IQSEC1: variants seen among roughly 807,000 people sequenced by gnomAD.
IQSEC1 encodes the protein IQ motif and Sec7 domain ArfGEF 1.
Under a neutral mutation model 91.0 loss-of-function variants are expected in IQSEC1, and 31 were observed. The ratio of observed to expected loss-of-function variants is 0.34; its 90% CI spans 0.26 to 0.46. IQSEC1 has a LOEUF of 0.46. IQSEC1 is among the 20% of genes least tolerant of loss of function. IQSEC1 has a pLI of 1.00. For synonymous variants in IQSEC1, 699 were observed against 662.6 expected (o/e 1.05, Z -0.84); for missense variants, 1,388 against 1,575.6 (o/e 0.88, Z 2.02).
At chr3:13,220,757 G>A (rs1368343860) in intron 1 of IQSEC1, among the ~76,000 whole-genome samples, 2 of 152,206 alleles carry the variant, frequency 1.3e-5, no homozygotes, top group Admixed American at 1.3e-4. Flanking sequence ...TGTGAAGGGC[G>A]ATGCCGCCTG....
rs1694367013 is a variant in IQSEC1, at chr3:13,207,582, G to A, written c.273-43449C>T. 6.6e-6 allele frequency among the ~76,000 whole-genome samples: 1 copy of A among 152,160 alleles called. No homozygotes were observed. The highest frequency in any genetic ancestry group is 1.5e-5 in the Non-Finnish European group (1 of 68,028). ...TTCGCAGCCCAGTCAAGAGGATTTGGCATCATCTGGGTCTGTCTCCTGCCC... is the reference window on the plus strand; with the variant it reads ...TTCGCAGCCCAGTCAAGAGGATTTGACATCATCTGGGTCTGTCTCCTGCCC... On this transcript the variant is annotated intron_variant, in intron 1 of 15. Transcript: ENST00000648114. The surrounding 1 kb of genome is among the most constrained non-coding windows in gnomAD (Gnocchi z 4.8).
chr3:13,217,448 A>G (rs1430782892), intron 1 of IQSEC1, among the ~76,000 whole-genome samples: 1 of 152,208 alleles, frequency 6.6e-6, no homozygotes, highest in Non-Finnish European at 1.5e-5. Flanking sequence ...TTCAGGGCTG[A>G]GTAGTAGTCC....
chr3:12,901,594 T>C (rs3773310), intron 13 of IQSEC1, 72 bp from the exon 14 acceptor site: 169,570 of 1,307,482 alleles, frequency 0.13, 11,870 homozygotes, highest in South Asian at 0.22. Flanking sequence ...TTTTTTTTTT[T>C]CAAATGTAAA....
chr3:13,167,784 C>T (rs1693527145), intron 1 of IQSEC1, among the ~76,000 whole-genome samples: 2 of 152,232 alleles, frequency 1.3e-5, no homozygotes, highest in African/African-American at 4.8e-5. Context: ...GCCCCCTTCG[C>T]CATGTGTGCA....
intron 1 of IQSEC1, among the ~76,000 whole-genome samples, chr3:13,196,914 G>C (rs757217864): frequency 9.9e-5 from 15 of 152,184 alleles, no homozygotes; most frequent in Non-Finnish European, 1.9e-4. Context: ...AGAGTCTGTG[G>C]GATCCGGGTG....
At chr3:13,182,202 A>G (rs982919964) in intron 1 of IQSEC1, among the ~76,000 whole-genome samples, 1 of 152,196 alleles carries the variant, frequency 6.6e-6, no homozygotes, top group Non-Finnish European at 1.5e-5. Flanking sequence ...TTGTTTGCCC[A>G]GCATCCATTC....
chr3:12,909,228 A>G lies in IQSEC1; in HGVS notation c.2578+45T>C. ...CCTGACATGGGGAGGCAAGTGCCAG[A>G]GTCTGGCAAGTCTCGGCCTTCTGTC... On this transcript the variant is annotated intron_variant, in intron 11 of 13. Coordinates refer to ENST00000613206, the MANE Select transcript of IQSEC1 (RefSeq NM_001134382.3). The surrounding 1 kb of genome is among the most constrained non-coding windows in gnomAD (Gnocchi z 4.9). The G allele has an allele frequency of 1.3e-6, 2 of 1,598,958 alleles. No individual in the cohort carries two copies. Among genetic ancestry groups the G allele is most frequent in the Non-Finnish European group, 8.6e-7 (1 of 1,168,872 alleles).
At chr3:12,937,650 C>T (rs906613662) in intron 2 of IQSEC1, among the ~76,000 whole-genome samples, 5 of 152,200 alleles carry the variant, frequency 3.3e-5, no homozygotes, top group Non-Finnish European at 5.9e-5. Flanking sequence ...TGGGACCTGC[C>T]TCCTATGACT....
intron 1 of IQSEC1, among the ~76,000 whole-genome samples, chr3:13,026,270 T>C (rs1017487050): frequency 2.6e-5 from 4 of 152,178 alleles, no homozygotes; most frequent in African/African-American, 9.7e-5. Context: ...CCAGGGCTGG[T>C]TAGGGTTCCC....
chr3:13,260,730 G>A (rs1277174108), intron 1 of IQSEC1, among the ~76,000 whole-genome samples: 4 of 152,122 alleles, frequency 2.6e-5, no homozygotes, highest in South Asian at 2.1e-4. Flanking sequence ...GCTGACCTTG[G>A]TGCCGGCTCC....
intron 1 of IQSEC1, among the ~76,000 whole-genome samples, chr3:13,236,444 C>T (rs1694929763): frequency 6.6e-6 from 1 of 152,238 alleles, no homozygotes; most frequent in Non-Finnish European, 1.5e-5. Flanking sequence ...AGGTCCTCTG[C>T]CCTGCTTTCG....
chr3:13,185,483 G>A (rs542602227), intron 1 of IQSEC1, among the ~76,000 whole-genome samples: 12 of 152,320 alleles, frequency 7.9e-5, no homozygotes, highest in African/African-American at 2.9e-4. Context: ...GCCTGGGACT[G>A]CGCCTGCTAT....
intron 1 of IQSEC1, among the ~76,000 whole-genome samples, chr3:13,180,375 C>T (rs190485282): frequency 0.032 from 4,809 of 151,966 alleles, 244 homozygotes; most frequent in African/African-American, 0.11. Flanking sequence ...TTTGTGTCCA[C>T]ACTCTGTATC....
chr3:13,255,524 T>C (rs1379173643), intron 1 of IQSEC1, among the ~76,000 whole-genome samples: 1 of 152,120 alleles, frequency 6.6e-6, no homozygotes, highest in East Asian at 1.9e-4. Context: ...CAGGAAAAAG[T>C]CTTGTATAAT....
At chr3:12,911,522 A>T (rs537040421) in intron 10 of IQSEC1, 107 bp downstream of exon 10, 18 of 805,306 alleles carry the variant, frequency 2.2e-5, no homozygotes, top group African/African-American at 1.8e-4. Flanking sequence ...GGGATAAAAC[A>T]GGGGTGAGCG....
intron 2 of IQSEC1, among the ~76,000 whole-genome samples, chr3:13,115,268 C>T (rs924693509): frequency 3.9e-5 from 6 of 152,210 alleles, no homozygotes; most frequent in African/African-American, 1.2e-4. Flanking sequence ...TTCCCTCCCC[C>T]GTTCCTCTAG....
upstream of IQSEC1, among the ~76,000 whole-genome samples, chr3:13,073,728 C>A (rs1192128508): frequency 1.3e-5 from 2 of 152,248 alleles, no homozygotes; most frequent in East Asian, 3.8e-4. Context: ...CTGAGACACG[C>A]GAGCCGCGGA....
At chr3:13,235,144 G>A (rs1694905891) in intron 1 of IQSEC1, among the ~76,000 whole-genome samples, 1 of 152,312 alleles carries the variant, frequency 6.6e-6, no homozygotes, top group South Asian at 2.1e-4. Flanking sequence ...CCCAGAAAAG[G>A]ATTAAAAGGG....
intron 1 of IQSEC1, chr3:13,022,189 C>T (rs1490223673): frequency 2.4e-6 from 3 of 1,231,148 alleles, no homozygotes; most frequent in Non-Finnish European, 3.0e-6. Context: ...GAACGGCTCT[C>T]TTCACGGATT....
Sources: allele counts gnomAD v4.1 joint callset (sites outside exome capture counted in the v4.1 genomes callset), GRCh38; gene constraint gnomAD v4.1.1; non-coding constraint Gnocchi (gnomAD v3.1); transcripts MANE v1.5; gene names NCBI Gene and HGNC (gene_info 2026-07-23, HGNC 2026-07-21).